PCDH9: variants seen among roughly 807,000 people sequenced by gnomAD.
PCDH9 encodes the protein protocadherin-9.
In PCDH9, 24 loss-of-function variants were observed where a neutral mutation model predicts 70.6. The observed-to-expected ratio is 0.34, with a 90% CI of 0.25 to 0.48. PCDH9 has a LOEUF of 0.48. Among genes scored for constraint, PCDH9 ranks in the 20% least tolerant of loss-of-function variants. The probability of loss-of-function intolerance (pLI) is 0.99; values close to 1 mark genes in which losing one functional copy is unlikely to be tolerated. For missense variants in PCDH9, 1,281 were observed against 1,503.6 expected (o/e 0.85, Z 2.45); for synonymous variants, 562 against 558.5 (o/e 1.01, Z -0.09).
chr13:66,783,872 T>C (rs1303500270), intron 3 of PCDH9, among the ~76,000 whole-genome samples: 1 of 152,136 alleles, frequency 6.6e-6, no homozygotes, highest in Non-Finnish European at 1.5e-5. Context: ...GTATACAAAG[T>C]CACATAATTG....
intron 3 of PCDH9, chr13:66,782,627 A>G (rs539265491): frequency 6.6e-5 from 10 of 152,314 alleles, no homozygotes; most frequent in Middle Eastern, 3.4e-3. Flanking sequence ...TATTATTAAA[A>G]TCAATTAATT....
chr13:66,965,605 T>C (rs2083421606), intron 2 of PCDH9, among the ~76,000 whole-genome samples: 1 of 152,066 alleles, frequency 6.6e-6, no homozygotes, highest in African/African-American at 2.4e-5. Context: ...TTGTTTTTTT[T>C]CCCTCCGTCG....
chr13:67,117,134 G>A (rs938812981), intron 2 of PCDH9, among the ~76,000 whole-genome samples: 1 of 152,160 alleles, frequency 6.6e-6, no homozygotes, highest in Non-Finnish European at 1.5e-5. Context: ...CTAATTGGTG[G>A]CAAATTTGAC....
chr13:67,165,176 A>T (rs2088076467), intron 2 of PCDH9, among the ~76,000 whole-genome samples: 1 of 152,168 alleles, frequency 6.6e-6, no homozygotes, highest in Non-Finnish European at 1.5e-5. Flanking sequence ...TATTCACTTC[A>T]CTTTACTTTT....
intron 3 of PCDH9, among the ~76,000 whole-genome samples, chr13:66,715,664 T>C (rs2078858528): frequency 1.3e-5 from 2 of 152,230 alleles, no homozygotes; most frequent in Admixed American, 1.3e-4. Context: ...GCTTCCACAA[T>C]GATCTACTTC....
rs541070429 is a variant in PCDH9 at position 66,691,936 on chromosome 13, T to C, written c.3139-60525A>G. ...ACTACCTACTTAAGCCTGGGCAATA[T>C]CTGTTACACATGGAAAATAAATTTT... On this transcript the variant is annotated intron_variant, in intron 3 of 4. Coordinates refer to ENST00000377865, the MANE Select transcript of PCDH9 (RefSeq NM_203487.3). Among the ~76,000 whole-genome samples, 4 of 152,312 alleles carry C rather than the reference T, an allele frequency of 2.6e-5. No homozygotes were observed. The South Asian group carries it at 8.3e-4, about 32-fold the overall frequency.
chr13:66,940,496 T>A (rs2139681737), intron 2 of PCDH9, among the ~76,000 whole-genome samples: 1 of 152,288 alleles, frequency 6.6e-6, no homozygotes, highest in Non-Finnish European at 1.5e-5. Flanking sequence ...TTTCTGATTA[T>A]CTTAGTACCT....
chr13:66,481,425 AG>A (rs1372419276), intron 4 of PCDH9, among the ~76,000 whole-genome samples: 1 of 152,204 alleles, frequency 6.6e-6, no homozygotes, highest in Non-Finnish European at 1.5e-5. Context: ...AACTTGCCAA[AG>A]GTTCAGATGA....
chr13:66,769,278 TG>T (rs1476748142), intron 3 of PCDH9, among the ~76,000 whole-genome samples: 1 of 152,072 alleles, frequency 6.6e-6, no homozygotes, highest in Non-Finnish European at 1.5e-5. Flanking sequence ...AACAACTCCA[TG>T]GATTAATTGG....
chr13:66,990,829 A>G (rs2083988111), intron 2 of PCDH9: 1 of 151,570 alleles, frequency 6.6e-6, no homozygotes, highest in Admixed American at 6.6e-5. Flanking sequence ...CCATCTTCCA[A>G]CTCCTACTTA....
At chr13:67,102,482 A>G (rs2086454099) in intron 2 of PCDH9, among the ~76,000 whole-genome samples, 1 of 152,186 alleles carries the variant, frequency 6.6e-6, no homozygotes, top group Non-Finnish European at 1.5e-5. Flanking sequence ...TTAATACTAA[A>G]TAACAAAAGT....
intron 2 of PCDH9, among the ~76,000 whole-genome samples, chr13:67,069,986 C>G (rs1185467): frequency 0.99 from 150,581 of 151,766 alleles, 74,718 homozygotes; most frequent in East Asian, 1. Context: ...TTTTCATATA[C>G]AGTATTTCAA....
intron 2 of PCDH9, among the ~76,000 whole-genome samples, chr13:66,988,624 G>A (rs1455898931): frequency 6.6e-6 from 1 of 151,844 alleles, no homozygotes; most frequent in Non-Finnish European, 1.5e-5. Context: ...TTTCCCAGAC[G>A]GAATGTAAAT....
At chr13:66,540,048 TA>T (rs1398906654) in intron 4 of PCDH9, among the ~76,000 whole-genome samples, 1 of 151,812 alleles carries the variant, frequency 6.6e-6, no homozygotes, top group Admixed American at 6.6e-5. Context: ...TTTTAATTTT[TA>T]CTTTTTTGCA....
intron 4 of PCDH9, among the ~76,000 whole-genome samples, chr13:66,413,031 A>G (rs1354054657): frequency 1.3e-5 from 2 of 152,236 alleles, no homozygotes; most frequent in Non-Finnish European, 2.9e-5. Flanking sequence ...CAAGCATTGT[A>G]TACCTAATTC....
At chr13:67,082,832 C>T (rs991083888) in intron 2 of PCDH9, among the ~76,000 whole-genome samples, 4 of 152,112 alleles carry the variant, frequency 2.6e-5, no homozygotes, top group East Asian at 1.9e-4. Context: ...TAACCATATA[C>T]GAATTTGTAA....
At chr13:66,346,591 C>T (rs543331691) in intron 4 of PCDH9, among the ~76,000 whole-genome samples, 1 of 152,288 alleles carries the variant, frequency 6.6e-6, no homozygotes, top group Admixed American at 6.5e-5. Flanking sequence ...TGCTTCAATT[C>T]CTGCAATACC....
intron 3 of PCDH9, among the ~76,000 whole-genome samples, chr13:66,837,451 CT>C (rs2081040764): frequency 6.6e-6 from 1 of 152,128 alleles, no homozygotes; most frequent in Admixed American, 6.5e-5. Flanking sequence ...AGCAGCCTGG[CT>C]CCAAAGACCC....
At chr13:66,969,919 TAAATC>T (rs2083490658) in intron 2 of PCDH9, among the ~76,000 whole-genome samples, 1 of 152,160 alleles carries the variant, frequency 6.6e-6, no homozygotes, top group Non-Finnish European at 1.5e-5. Flanking sequence ...TCACAAGTCT[TAAATC>T]AATCATATTA....
Sources: allele counts gnomAD v4.1 joint callset (sites outside exome capture counted in the v4.1 genomes callset), GRCh38; gene constraint gnomAD v4.1.1; transcripts MANE v1.5; gene names NCBI Gene and HGNC (gene_info 2026-07-23, HGNC 2026-07-21).